ABAT: variants seen among roughly 807,000 people sequenced by gnomAD.
The protein encoded by ABAT is 4-aminobutyrate aminotransferase, mitochondrial.
In ABAT, 45 loss-of-function variants were observed where a neutral mutation model predicts 64.6. That is an observed-to-expected ratio of 0.70 (90% CI 0.55 to 0.89). ABAT has a LOEUF of 0.89. Ranked by LOEUF, ABAT falls within the 40% of genes least tolerant of loss-of-function variation. The pLI, the probability that ABAT is intolerant of heterozygous loss-of-function variation, is 0.00. For missense variants in ABAT, 633 were observed against 658.4 expected (o/e 0.96, Z 0.42); for synonymous variants, 297 against 250.5 (o/e 1.19, Z -1.75).
intron 1 of ABAT, among the ~76,000 whole-genome samples, chr16:8,722,481 C>T (rs547310624): frequency 6.6e-6 from 1 of 152,040 alleles, no homozygotes; most frequent in African/African-American, 2.4e-5. Flanking sequence ...AGGAAAATTA[C>T]TTTTTTAAAT....
At chr16:8,772,708 C>T in intron 11 of ABAT, 72 bp from the exon 12 acceptor site, 2 of 1,604,700 alleles carry the variant, frequency 1.2e-6, no homozygotes, top group Non-Finnish European at 1.7e-6. Flanking sequence ...CTCATCGAAC[C>T]CCAGATTCCC....
At chr16:8,699,284 A>C (rs1356436989) in intron 1 of ABAT, among the ~76,000 whole-genome samples, 1 of 152,124 alleles carries the variant, frequency 6.6e-6, no homozygotes, top group African/African-American at 2.4e-5. Flanking sequence ...TGGCCACTTG[A>C]GTAGTGATTA....
At chr16:8,697,798 G>A (rs917298853) in intron 1 of ABAT, among the ~76,000 whole-genome samples, 1 of 152,074 alleles carries the variant, frequency 6.6e-6, no homozygotes, top group Non-Finnish European at 1.5e-5. Context: ...ACCACGCCCA[G>A]CTAATTTTTT....
chr16:8,724,911 C>CCCTTTT (rs1567286896), intron 1 of ABAT, among the ~76,000 whole-genome samples: 1 of 114,812 alleles, frequency 8.7e-6, no homozygotes, highest in Non-Finnish European at 1.7e-5. Flanking sequence ...ACTCCAATAT[C>CCCTTTT]TCTTTTTTCT....
intron 1 of ABAT, among the ~76,000 whole-genome samples, chr16:8,727,341 C>G (rs1264909542): frequency 6.6e-6 from 1 of 152,162 alleles, no homozygotes; most frequent in East Asian, 1.9e-4. Flanking sequence ...TGATTTCTTA[C>G]CACACCCACT....
At position 8,710,683 on chromosome 16, in the gene ABAT, T is replaced by TGAGAGAGAGAGAGAGA. The variant is rs762237876; in HGVS notation, c.-41-25006_-41-25005insGAGAGAGAGAGAGAGA. 7.4e-4 allele frequency among the ~76,000 whole-genome samples: 65 copies of TGAGAGAGAGAGAGAGA among 87,830 alleles called. 2 individuals carry two copies. Among genetic ancestry groups the TGAGAGAGAGAGAGAGA allele is most frequent in the Admixed American group, 1.0e-3 (8 of 7,896 alleles). The allele number at this position is 87,830 out of a possible 152,430, so 57.6% of individuals were successfully genotyped here. A position where few individuals can be genotyped will look rare whatever the true frequency, so the allele number is the denominator to read the frequency against. ...TGAGTCCAGGAGGTTAAGGCTGCAC[T>TGAGAGAGAGAGAGAGA]GAGAGAGAGACAGAGAGAGAGAGAG... is the stretch of plus-strand genomic sequence containing the variant. On this transcript the variant is annotated intron_variant, in intron 1 of 15. Transcript: ENST00000268251.
At chr16:8,748,219 C>G (rs184490022) in intron 4 of ABAT, 82 bp downstream of exon 4, 21 of 1,320,160 alleles carry the variant, frequency 1.6e-5, no homozygotes, top group East Asian at 9.3e-5. Context: ...TCTGTTCTGG[C>G]TCTTTTTTAA....
In ABAT at chr16:8,692,240, G is replaced by T. The variant is rs117656237; in HGVS notation, c.-42+17529G>T. ...TACAGAAAATAAAAAAATTAGCCAG[G>T]CACTGTGGTTCATGCTTGTGGTCCC... On this transcript the variant is annotated intron_variant, in intron 1 of 15. Transcript: ENST00000268251. 1.9e-3 allele frequency among the ~76,000 whole-genome samples: 290 copies of T among 152,202 alleles called. 6 individuals carry two copies. The East Asian group carries it at 0.052, about 27-fold the overall frequency.
chr16:8,775,148 G>A, intron 13 of ABAT, 91 bp downstream of exon 13: 1 of 1,565,768 alleles, frequency 6.4e-7, no homozygotes. Context: ...TCGAGGAGCT[G>A]GGTGGGCACT....
chr16:8,751,395 G>C (rs1259012661), intron 5 of ABAT, among the ~76,000 whole-genome samples: 1 of 152,134 alleles, frequency 6.6e-6, no homozygotes, highest in African/African-American at 2.4e-5. Flanking sequence ...GCCAGAGGTA[G>C]GGATTCTTGG....
intron 1 of ABAT, chr16:8,712,857 C>G (rs2142095191): frequency 6.6e-6 from 1 of 152,412 alleles, no homozygotes; most frequent in South Asian, 2.1e-4. Context: ...CAGTGTGTCT[C>G]TCCTGCAGCC....
chr16:8,735,938 T>G (rs1487899102), intron 2 of ABAT, 129 bp downstream of exon 2: 1 of 766,728 alleles, frequency 1.3e-6, no homozygotes, highest in Non-Finnish European at 2.2e-6. Flanking sequence ...ACTGTCCCAC[T>G]GTATTAGTCT....
chr16:8,741,003 C>G (rs997320396), intron 2 of ABAT, among the ~76,000 whole-genome samples: 2 of 152,244 alleles, frequency 1.3e-5, no homozygotes, highest in Non-Finnish European at 2.9e-5. Flanking sequence ...TCGTTTATCA[C>G]TCTCGGTCTA....
intron 12 of ABAT, among the ~76,000 whole-genome samples, chr16:8,773,769 G>A (rs1273421): frequency 0.88 from 134,087 of 152,194 alleles, 60,048 homozygotes; most frequent in East Asian, 0.98. Context: ...CATAAGGGAA[G>A]TGTTTTTAGT....
chr16:8,775,136 C>T lies in ABAT; in HGVS notation c.1122+79C>T. On this transcript the variant is annotated intron_variant, in intron 13 of 15. Coordinates refer to ENST00000268251, the MANE Select transcript of ABAT (RefSeq NM_020686.6). ...CTTCTCCTAACTGTTCCTTTCTCACCATCGAGGAGCTGGGTGGGCACTTAC... is the reference window on the plus strand; with the variant it reads ...CTTCTCCTAACTGTTCCTTTCTCACTATCGAGGAGCTGGGTGGGCACTTAC... 7 of 1,595,072 alleles carry T rather than the reference C, an allele frequency of 4.4e-6. No individual in the cohort carries two copies. In the South Asian group the frequency reaches 6.7e-5, roughly 15 times the overall value.
chr16:8,739,660 G>A (rs11862275), intron 2 of ABAT, among the ~76,000 whole-genome samples: 28,689 of 152,004 alleles, frequency 0.19, 3,005 homozygotes, highest in African/African-American at 0.28. Context: ...CGGAGGTTAT[G>A]GTTCATGTGA....
At chr16:8,757,511 T>C (rs1263148482) in intron 5 of ABAT, among the ~76,000 whole-genome samples, 1 of 152,150 alleles carries the variant, frequency 6.6e-6, no homozygotes, top group African/African-American at 2.4e-5. Context: ...AGGTCTCAAA[T>C]CTGAACAAGC....
chr16:8,681,657 T>G (rs1596396275), intron 1 of ABAT, among the ~76,000 whole-genome samples: 1 of 124,790 alleles, frequency 8.0e-6, no homozygotes, highest in Admixed American at 7.8e-5. Flanking sequence ...TTTTTTTTTT[T>G]TTGAGATGGA....
At chr16:8,748,215 C>G in intron 4 of ABAT, 78 bp downstream of exon 4, 1 of 1,343,176 alleles carries the variant, frequency 7.4e-7, no homozygotes. Flanking sequence ...TTAATCTGTT[C>G]TGGCTCTTTT....
Sources: allele counts gnomAD v4.1 joint callset (sites outside exome capture counted in the v4.1 genomes callset), GRCh38; gene constraint gnomAD v4.1.1; transcripts MANE v1.5; gene names NCBI Gene and HGNC (gene_info 2026-07-23, HGNC 2026-07-21).